HS6ST2: variants seen among roughly 807,000 people sequenced by gnomAD.
HS6ST2 encodes the protein heparan-sulfate 6-O-sulfotransferase 2.
A neutral mutation model predicts 33.0 loss-of-function variants in HS6ST2; 17 were observed. The ratio of observed to expected loss-of-function variants is 0.52; its 90% confidence interval spans 0.35 to 0.77. HS6ST2 has a LOEUF of 0.77. Ranked by LOEUF, HS6ST2 falls within the 30% of genes least tolerant of loss-of-function variation. HS6ST2 has a pLI of 0.01. For missense variants in HS6ST2, 519 were observed against 551.7 expected (o/e 0.94, Z 0.59); for synonymous variants, 248 against 237.1 (o/e 1.05, Z -0.42).
intron 2 of HS6ST2, among the ~76,000 whole-genome samples, chrX:132,762,709 T>C (rs1048412561): frequency 1.8e-5 from 2 of 111,705 alleles, no homozygotes; most frequent in African/African-American, 3.3e-5. Context: ...CAGCTGCTAA[T>C]GACCCTTTCC....
intron 2 of HS6ST2, among the ~76,000 whole-genome samples, chrX:132,743,672 C>G (rs1225380846): frequency 8.9e-6 from 1 of 111,759 alleles, no homozygotes; most frequent in Non-Finnish European, 1.9e-5. Flanking sequence ...CCTAGGCACC[C>G]AGCTAGGAAG....
chrX:132,865,775 T>C (rs1323126642), intron 2 of HS6ST2, among the ~76,000 whole-genome samples: 1 of 112,237 alleles, frequency 8.9e-6, no homozygotes, highest in Non-Finnish European at 1.9e-5. Flanking sequence ...ATAAATGTCT[T>C]CTTTTGAGAA....
At chrX:132,899,199 T>C (rs193278697) in intron 2 of HS6ST2, among the ~76,000 whole-genome samples, 10 of 111,389 alleles carry the variant, frequency 9.0e-5, no homozygotes, top group African/African-American at 2.9e-4. Context: ...TATGATAAAA[T>C]AAAGCACCCA....
In HS6ST2 at chrX:132,867,361, G is replaced by T. The variant is rs939533616; in HGVS notation, c.947+89447C>A. Among the ~76,000 whole-genome samples, 5 of 109,248 alleles carry T rather than the reference G, an allele frequency of 4.6e-5. No individual in the cohort carries two copies. In the Admixed American group the frequency reaches 4.9e-4, roughly 11 times the overall value. The allele number at this position is 109,248 out of a possible 115,157, so 94.9% of individuals were successfully genotyped here. A position where few individuals can be genotyped will look rare whatever the true frequency, so the allele number is the denominator to read the frequency against. The stretch of plus-strand genomic sequence containing the variant: ...GATCATGGTGGATAAGCTTTTTGAT[G>T]TGCTGCTGGATTCGGTTTGCCAGTA... On this transcript the variant is annotated intron_variant, in intron 2 of 4. Transcript: ENST00000370833.
At chrX:132,922,098 C>G (rs771622134) in intron 2 of HS6ST2, among the ~76,000 whole-genome samples, 27 of 112,131 alleles carry the variant, frequency 2.4e-4, no homozygotes, top group Non-Finnish European at 3.6e-4. Flanking sequence ...AATAAACACT[C>G]TTTCAAAAAA....
intron 2 of HS6ST2, among the ~76,000 whole-genome samples, chrX:132,802,136 G>A (rs1246906988): frequency 2.7e-5 from 3 of 111,915 alleles, no homozygotes; most frequent in African/African-American, 9.7e-5. Context: ...ATGTGTCAAA[G>A]GCAGGTGATG....
At position 132,812,434 on chromosome X, in the gene HS6ST2, AT is replaced by A. The variant is rs1470000678; in HGVS notation, c.948-103941del. ...AATAATAATAATAATAATAATAATA[AT>A]AATAATAATAAAATAATAATAATAA... On this transcript the variant is annotated intron_variant, in intron 2 of 4. Transcript: ENST00000370833. Among the ~76,000 whole-genome samples the A allele has an allele frequency of 7.7e-5, 8 of 104,211 alleles. No individual in the cohort carries two copies. In the East Asian group the frequency reaches 1.2e-3, roughly 16 times the overall value. 90.5% of individuals were successfully genotyped at this position (104,211 alleles called of 115,157 possible).
chrX:132,708,616 A>G, intron 2 of HS6ST2, 122 bp from the exon 3 acceptor site: 1 of 595,377 alleles, frequency 1.7e-6, no homozygotes, highest in Non-Finnish European at 2.7e-6. Context: ...CCTTAGGGAA[A>G]CAGCTCATAG....
intron 2 of HS6ST2, among the ~76,000 whole-genome samples, chrX:132,774,026 T>C (rs2064932731): frequency 8.9e-6 from 1 of 112,378 alleles, no homozygotes; most frequent in Non-Finnish European, 1.9e-5. Flanking sequence ...ATGAAATGGA[T>C]GAACTGAAAA....
chrX:132,922,726 T>C (rs937547411), intron 2 of HS6ST2, among the ~76,000 whole-genome samples: 5 of 111,300 alleles, frequency 4.5e-5, no homozygotes, highest in African/African-American at 1.6e-4. Flanking sequence ...ATTGGTTCGG[T>C]TCAGAAAGGC....
At chrX:132,916,887 G>A (rs1046581977) in intron 2 of HS6ST2, among the ~76,000 whole-genome samples, 6 of 111,764 alleles carry the variant, frequency 5.4e-5, no homozygotes, top group East Asian at 5.6e-4. Flanking sequence ...ACTTCACCTC[G>A]TGATCGTGTG....
chrX:132,819,811 C>T (rs185441930), intron 2 of HS6ST2, among the ~76,000 whole-genome samples: 354 of 112,352 alleles, frequency 3.2e-3, no homozygotes, highest in African/African-American at 0.011. Flanking sequence ...TTAGTCTAAG[C>T]TGCTGCATAT....
At chrX:132,904,962 G>A (rs1466621204) in intron 2 of HS6ST2, among the ~76,000 whole-genome samples, 7 of 111,362 alleles carry the variant, frequency 6.3e-5, no homozygotes, top group African/African-American at 1.6e-4. Flanking sequence ...GTGCCGCATC[G>A]TGATTTTAAT....
chrX:132,957,103 T>G lies in HS6ST2; in HGVS notation c.652A>C (p.Lys218Gln), dbSNP rs746316980. ...TCGCCCTTGATGTCGAAGTCTACCT[T>G]GCGCAGGAGGTCGCCGCGGGTGAAA... ...YNFTRGDLLRKVDFDIKGDDL... is the reference protein window; with the variant it reads ...YNFTRGDLLRQVDFDIKGDDL... Residue 218 changes from lysine (K) to glutamine (Q), a missense_variant, in exon 2 of 5, where the codon AAG becomes CAG. Transcript: ENST00000370833. 9.9e-6 allele frequency: 12 copies of G among 1,209,863 alleles called. No homozygotes were observed. The Admixed American group carries it at 2.0e-4, about 20-fold the overall frequency.
intron 2 of HS6ST2, among the ~76,000 whole-genome samples, chrX:132,786,901 C>T (rs1040692013): frequency 2.8e-5 from 3 of 108,265 alleles, no homozygotes; most frequent in Admixed American, 1.0e-4. Flanking sequence ...GGATTACAGA[C>T]GTGAGCCACC....
At chrX:132,838,679 T>C (rs751380395) in intron 2 of HS6ST2, among the ~76,000 whole-genome samples, 4 of 111,277 alleles carry the variant, frequency 3.6e-5, no homozygotes, top group African/African-American at 1.3e-4. Context: ...CACTTGACTA[T>C]AGAAAAAGTG....
At chrX:132,644,349 C>A (rs2063625831) in intron 4 of HS6ST2, among the ~76,000 whole-genome samples, 1 of 110,942 alleles carries the variant, frequency 9.0e-6, no homozygotes, top group Admixed American at 9.6e-5. Flanking sequence ...GTTTCTCACT[C>A]AATCCTATGA....
chrX:132,739,512 C>T (rs1448746280), intron 2 of HS6ST2, among the ~76,000 whole-genome samples: 1 of 110,486 alleles, frequency 9.1e-6, no homozygotes, highest in East Asian at 2.8e-4. Flanking sequence ...GTCAGGAGAT[C>T]GAGACCAGCC....
intron 2 of HS6ST2, among the ~76,000 whole-genome samples, chrX:132,867,948 T>G (rs1247050356): frequency 8.9e-6 from 1 of 111,768 alleles, no homozygotes. Context: ...TAACCTTAAA[T>G]GTAAATGGGC....
Sources: gnomAD v4.1 joint callset for allele counts (sites outside exome capture counted in the v4.1 genomes callset) on GRCh38, gnomAD v4.1.1 for gene constraint, MANE v1.5 for transcripts, NCBI Gene and HGNC (gene_info 2026-07-23, HGNC 2026-07-21) for gene names.